NCKAP5: variants seen among roughly 807,000 people sequenced by gnomAD.
The protein encoded by NCKAP5 is nck-associated protein 5.
A neutral mutation model predicts 167.0 loss-of-function variants in NCKAP5; 92 were observed. The observed-to-expected ratio is 0.55, with a 90% CI of 0.47 to 0.66. The LOEUF is 0.66. Ranked by LOEUF, NCKAP5 falls within the 30% of genes least tolerant of loss-of-function variation. NCKAP5 has a pLI of 0.00. For synonymous variants in NCKAP5, 891 were observed against 877.4 expected (o/e 1.02, Z -0.27); for missense variants, 2,378 against 2,315.0 (o/e 1.03, Z -0.56).
intron 3 of NCKAP5, among the ~76,000 whole-genome samples, chr2:133,494,071 T>C (rs1279920656): frequency 6.6e-6 from 1 of 152,236 alleles, no homozygotes; most frequent in Non-Finnish European, 1.5e-5. Flanking sequence ...ACTCATGCTT[T>C]GGCCTTTTTG....
rs2086307249 is a variant in NCKAP5 at position 133,213,754 on chromosome 2, G to A, written c.169C>T (p.Gln57Ter). The change falls in exon 5 of 20, where the codon CAG becomes TAG. Residue 57 changes from glutamine (Q) to a stop codon, truncating the protein, a stop_gained. Transcript: ENST00000409261. LOFTEE classifies it high-confidence loss of function. ...CTTGTTCTTTGGGCAACTTCTCGCT[G>A]TAGTCGGGCCACTGCCAACTTCTCC... ...WREKLAVARL[Q>*]REVAQRTSEG... is the part of the protein sequence containing the mutation. 6.2e-7 allele frequency: 1 copy of A among 1,613,812 alleles called. No individual in the cohort carries two copies. Among genetic ancestry groups the A allele is most frequent in the Non-Finnish European group, 8.5e-7 (1 of 1,179,810 alleles).
chr2:133,619,473 C>G, the NCKAP5 span, among the ~76,000 whole-genome samples: 1 of 151,726 alleles, frequency 6.6e-6, no homozygotes, highest in East Asian at 1.9e-4. Flanking sequence ...ATAGATCGAA[C>G]AAGCAGAAGA....
At chr2:133,401,171 A>T (rs998489591) in intron 3 of NCKAP5, among the ~76,000 whole-genome samples, 1 of 152,144 alleles carries the variant, frequency 6.6e-6, no homozygotes, top group East Asian at 1.9e-4. Flanking sequence ...TCCTAAACGA[A>T]AACAGGGTTT....
intron 16 of NCKAP5, among the ~76,000 whole-genome samples, chr2:132,739,852 T>C (rs900084787): frequency 6.6e-6 from 1 of 152,178 alleles, no homozygotes; most frequent in Non-Finnish European, 1.5e-5. Flanking sequence ...AGTCTGTGTT[T>C]TTGAGAAATC....
chr2:133,447,155 G>A (rs1028369200), intron 3 of NCKAP5, among the ~76,000 whole-genome samples: 16 of 152,076 alleles, frequency 1.1e-4, no homozygotes, highest in African/African-American at 3.4e-4. Context: ...ATCTCTACCC[G>A]CCATCAATTC....
intron 6 of NCKAP5, among the ~76,000 whole-genome samples, chr2:133,061,992 T>A (rs2080023178): frequency 6.6e-6 from 1 of 152,232 alleles, no homozygotes; most frequent in Non-Finnish European, 1.5e-5. Context: ...TCATGCTTGC[T>A]ATGCAGAATA....
intron 4 of NCKAP5, among the ~76,000 whole-genome samples, chr2:133,286,092 T>C (rs1000635125): frequency 1.3e-5 from 2 of 151,654 alleles, no homozygotes; most frequent in East Asian, 3.9e-4. Context: ...ACCTTCTGGG[T>C]TCACACCATT....
At chr2:132,768,210 G>A (rs1226960853) in intron 16 of NCKAP5, among the ~76,000 whole-genome samples, 1 of 152,118 alleles carries the variant, frequency 6.6e-6, no homozygotes, top group African/African-American at 2.4e-5. Flanking sequence ...TCAATTTTTT[G>A]TGTGAATCCT....
At chr2:133,530,176 A>G (rs1685250436) in intron 2 of NCKAP5, among the ~76,000 whole-genome samples, 1 of 152,130 alleles carries the variant, frequency 6.6e-6, no homozygotes, top group South Asian at 2.1e-4. Flanking sequence ...TCTGTGATTA[A>G]AGTATTCCTC....
At chr2:132,928,141 T>C (rs1696061669) in intron 8 of NCKAP5, among the ~76,000 whole-genome samples, 1 of 152,214 alleles carries the variant, frequency 6.6e-6, no homozygotes, top group South Asian at 2.1e-4. Context: ...ATGTCAGCTT[T>C]ACCACTTATT....
intron 3 of NCKAP5, among the ~76,000 whole-genome samples, chr2:133,497,457 G>A (rs188630190): frequency 1.4e-4 from 21 of 152,296 alleles, no homozygotes; most frequent in African/African-American, 4.6e-4. Flanking sequence ...TGAATGGGCT[G>A]AATAAGATCC....
intron 6 of NCKAP5, among the ~76,000 whole-genome samples, chr2:133,070,443 T>C (rs1216933716): frequency 6.6e-6 from 1 of 152,148 alleles, no homozygotes; most frequent in Non-Finnish European, 1.5e-5. Flanking sequence ...TCAATCTCTC[T>C]GTACTCAAGG....
rs1160751767 is a variant in NCKAP5, at chr2:133,218,333, AC to A, written c.144-4555del. Among the ~76,000 whole-genome samples, 3 of 152,314 alleles carry A rather than the reference AC, an allele frequency of 2.0e-5. No homozygotes were observed. The East Asian group carries it at 5.8e-4, about 29-fold the overall frequency. On this transcript the variant is annotated intron_variant, in intron 4 of 19. Transcript: ENST00000409261. The stretch of plus-strand genomic sequence containing the variant: ...CTTTAGAATTTTGCAACTCTCTTTA[AC>A]GTCTGGCTTAATAGAAGACACGTGT...
chr2:133,071,551 A>T (rs1396887410), intron 6 of NCKAP5, among the ~76,000 whole-genome samples: 1 of 152,258 alleles, frequency 6.6e-6, no homozygotes, highest in African/African-American at 2.4e-5. Context: ...TATTCTTGCT[A>T]GTCAAATTCC....
intron 3 of NCKAP5, among the ~76,000 whole-genome samples, chr2:133,494,762 T>C (rs926530304): frequency 6.6e-6 from 1 of 152,132 alleles, no homozygotes; most frequent in Non-Finnish European, 1.5e-5. Context: ...GGTATAGCCA[T>C]ACATGTCAGA....
intron 4 of NCKAP5, among the ~76,000 whole-genome samples, chr2:133,299,386 TAGTA>T (rs1680193781): frequency 1.3e-5 from 2 of 152,104 alleles, no homozygotes; most frequent in South Asian, 2.1e-4. Flanking sequence ...ACAAGAGAGT[TAGTA>T]AGTATTTACC....
intron 11 of NCKAP5, among the ~76,000 whole-genome samples, chr2:132,850,186 C>G (rs1207640462): frequency 6.6e-6 from 1 of 152,150 alleles, no homozygotes; most frequent in African/African-American, 2.4e-5. Flanking sequence ...AGGGAAATAT[C>G]TATTATGCCC....
At position 133,213,097 on chromosome 2, in the gene NCKAP5, C is replaced by T. The variant is rs552423000; in HGVS notation, c.207+619G>A. ...TCCACGCATGCATTCCCCAGGTCCC[C>T]AGACAGTCATCTCTGATGTTATAAG... On this transcript the variant is annotated intron_variant, in intron 5 of 19. Coordinates refer to ENST00000409261, the MANE Select transcript of NCKAP5 (RefSeq NM_207363.3). Among the ~76,000 whole-genome samples, 235 of 152,292 alleles carry T rather than the reference C, an allele frequency of 1.5e-3. 1 individual carries two copies. The highest frequency in any genetic ancestry group is 5.1e-3 in the African/African-American group (212 of 41,560).
intron 11 of NCKAP5, among the ~76,000 whole-genome samples, chr2:132,855,548 T>G (rs913827816): frequency 2.0e-5 from 3 of 152,186 alleles, no homozygotes; most frequent in Non-Finnish European, 4.4e-5. Flanking sequence ...TGAACTTATA[T>G]CCCAACAGCG....
Sources: gnomAD v4.1 joint callset for allele counts (sites outside exome capture counted in the v4.1 genomes callset) on GRCh38, gnomAD v4.1.1 for gene constraint, MANE v1.5 for transcripts, NCBI Gene and HGNC (gene_info 2026-07-23, HGNC 2026-07-21) for gene names.